The following CPAMD8 variants were observed in gnomAD, a reference collection of about 807,000 sequenced individuals.
The protein encoded by CPAMD8 is C3 and PZP like alpha-2-macroglobulin domain containing 8.
A neutral mutation model predicts 224.7 loss-of-function variants in CPAMD8; 146 were observed. The observed-to-expected ratio is 0.65, with a 90% CI of 0.57 to 0.75. The LOEUF (loss-of-function observed/expected upper bound fraction) is 0.75. CPAMD8 is among the 30% of genes least tolerant of loss of function. The probability of loss-of-function intolerance (pLI) is 0.00; values close to 1 mark genes in which losing one functional copy is unlikely to be tolerated. For synonymous variants in CPAMD8, 966 were observed against 1,044.6 expected, an observed-to-expected ratio of 0.92 and a Z score of 1.45; for missense variants, 2,301 against 2,537.5, an observed-to-expected ratio of 0.91 and a Z score of 2.00.
intron 23 of CPAMD8, among the ~76,000 whole-genome samples, chr19:16,936,391 T>C (rs916982978): frequency 3.9e-5 from 6 of 152,150 alleles, no homozygotes; most frequent in African/African-American, 7.2e-5. Flanking sequence ...TTTTGCCCAC[T>C]TTTTTGTTTG....
Position 16,929,138 on chromosome 19 carries a change from G to A in CPAMD8, c.2948C>T (p.Ala983Val), listed in dbSNP as rs370760630. 11 of 1,614,088 alleles carry A rather than the reference G, an allele frequency of 6.8e-6. No homozygotes were observed. Among genetic ancestry groups the A allele is most frequent in the Non-Finnish European group, 8.5e-6 (10 of 1,179,956 alleles). The change falls in exon 24 of 42, where the codon GCC becomes GTC. Residue 983 changes from alanine to valine, a missense_variant. Physicochemically the swap from Ala to Val is moderately conservative, Grantham distance 64. This residue lies in a region of CPAMD8 where 1,709 missense variants were observed against 1,753.2 expected (regional missense o/e 0.97). Transcript: ENST00000443236. ...GGGCCCAGAAGACAAGGCCACACGGGCATCATTGTGAGCTCGCACAGCCAC... is the reference window on the plus strand; with the variant it reads ...GGGCCCAGAAGACAAGGCCACACGGACATCATTGTGAGCTCGCACAGCCAC... ...FDVAVRAHND[A>V]RVALSSGPQD...
chr19:16,896,713 C>A, intron 39 of CPAMD8, 48 bp from the exon 40 acceptor site: 1 of 1,288,268 alleles, frequency 7.8e-7, no homozygotes. Flanking sequence ...GAACCTTGCC[C>A]GCGCCCCCAC....
intron 26 of CPAMD8, among the ~76,000 whole-genome samples, chr19:16,923,262 G>A (rs1389912372): frequency 6.6e-6 from 1 of 152,232 alleles, no homozygotes; most frequent in Non-Finnish European, 1.5e-5. Flanking sequence ...TAGAGCCAGT[G>A]GACCGTAGGG....
At chr19:16,925,756 A>ATT (rs1491345579) in intron 25 of CPAMD8, among the ~76,000 whole-genome samples, 13 of 130,932 alleles carry the variant, frequency 9.9e-5, no homozygotes, top group East Asian at 8.0e-4. Context: ...TCTTTCTAAA[A>ATT]TATTTTTTTT....
chr19:16,894,554 AG>A, intron 41 of CPAMD8: 1 of 444,722 alleles, frequency 2.2e-6, no homozygotes, highest in East Asian at 7.0e-5. Flanking sequence ...CTCCTCATTT[AG>A]ATGGCAGAAC....
intron 1 of CPAMD8, among the ~76,000 whole-genome samples, chr19:17,025,769 G>A (rs1053751658): frequency 1.3e-5 from 2 of 152,188 alleles, no homozygotes; most frequent in African/African-American, 4.8e-5. Flanking sequence ...ACGAAGCCTA[G>A]GAGAGGGAAG....
intron 23 of CPAMD8, among the ~76,000 whole-genome samples, chr19:16,938,008 A>G (rs922317366): frequency 2.6e-5 from 4 of 151,982 alleles, no homozygotes; most frequent in Non-Finnish European, 4.4e-5. Context: ...GCTGGTCTCA[A>G]ACTCCTGACT....
chr19:16,959,176 CTTTT>C (rs1303892809), intron 18 of CPAMD8, among the ~76,000 whole-genome samples: 1 of 131,756 alleles, frequency 7.6e-6, no homozygotes. Context: ...TTGCATTTCC[CTTTT>C]TTTTTTTTTT....
intron 26 of CPAMD8, among the ~76,000 whole-genome samples, chr19:16,923,002 C>T (rs1484392306): frequency 6.6e-6 from 1 of 152,276 alleles, no homozygotes; most frequent in Non-Finnish European, 1.5e-5. Flanking sequence ...CATCTTGGGG[C>T]AGCGCCCTCT....
At chr19:16,953,670 AG>A (rs2054371209) in intron 19 of CPAMD8, among the ~76,000 whole-genome samples, 1 of 146,340 alleles carries the variant, frequency 6.8e-6, no homozygotes, top group African/African-American at 2.6e-5. Flanking sequence ...AAAAAAAAAA[AG>A]GCACTATCAA....
intron 20 of CPAMD8, among the ~76,000 whole-genome samples, chr19:16,950,528 C>T (rs999963541): frequency 5.3e-5 from 8 of 151,986 alleles, no homozygotes; most frequent in Non-Finnish European, 1.2e-4. Flanking sequence ...GTGGCTCATG[C>T]CTGTAATCCC....
At chr19:16,927,176 C>T (rs2144945268) in intron 25 of CPAMD8, among the ~76,000 whole-genome samples, 1 of 152,070 alleles carries the variant, frequency 6.6e-6, no homozygotes, top group African/African-American at 2.4e-5. Context: ...AATTGTAGCT[C>T]CCATAATTCC....
intron 18 of CPAMD8, among the ~76,000 whole-genome samples, chr19:16,969,289 C>T (rs1028434548): frequency 1.3e-5 from 2 of 152,056 alleles, no homozygotes; most frequent in Non-Finnish European, 2.9e-5. Context: ...TGCCAATGGC[C>T]CCCAGGGAAC....
chr19:16,999,442 G>A lies in CPAMD8; in HGVS notation c.867+972C>T, dbSNP rs781305953. On this transcript the variant is annotated intron_variant, in intron 10 of 41. Coordinates refer to ENST00000443236, the MANE Select transcript of CPAMD8 (RefSeq NM_015692.5). ...AAAAATACAAAAAAAAAAATTAGCC[G>A]GGTGTTGTGGTGGGCACCTATAGTC... Among the ~76,000 whole-genome samples, 25 of 152,044 alleles carry A rather than the reference G, an allele frequency of 1.6e-4. 1 individual carries two copies. The South Asian group carries it at 3.5e-3, about 22-fold the overall frequency.
At chr19:16,956,645 C>T (rs1018921184) in intron 19 of CPAMD8, among the ~76,000 whole-genome samples, 3 of 152,052 alleles carry the variant, frequency 2.0e-5, no homozygotes, top group African/African-American at 7.2e-5. Flanking sequence ...GCCTGGGCAA[C>T]ATACAGAGAC....
chr19:16,950,332 G>A (rs541730822), intron 20 of CPAMD8, among the ~76,000 whole-genome samples: 6 of 152,070 alleles, frequency 3.9e-5, no homozygotes, highest in Admixed American at 3.9e-4. Context: ...AATAATGCAG[G>A]TAAAATTGTC....
At chr19:17,020,913 C>T (rs1383243573) in intron 2 of CPAMD8, among the ~76,000 whole-genome samples, 1 of 152,064 alleles carries the variant, frequency 6.6e-6, no homozygotes, top group Non-Finnish European at 1.5e-5. Context: ...GCTATCTGCC[C>T]AGCACACAAC....
intron 18 of CPAMD8, among the ~76,000 whole-genome samples, chr19:16,958,247 G>A (rs982592636): frequency 1.3e-5 from 2 of 152,154 alleles, no homozygotes; most frequent in African/African-American, 2.4e-5. Context: ...ATGCCCAATA[G>A]TTATTATTTC....
chr19:16,952,291 G>A, intron 19 of CPAMD8, 91 bp from the exon 20 acceptor site: 2 of 716,624 alleles, frequency 2.8e-6, no homozygotes, highest in Non-Finnish European at 4.9e-6. Flanking sequence ...AGGCTGCATG[G>A]CTCAGAGAGG....
Sources: gnomAD v4.1 joint callset for allele counts (sites outside exome capture counted in the v4.1 genomes callset) on GRCh38, gnomAD v4.1.1 for gene constraint, gnomAD v4.1.1 regional missense constraint, MANE v1.5 for transcripts, NCBI Gene and HGNC (gene_info 2026-07-23, HGNC 2026-07-21) for gene names.